Variants in ABLIM2 observed in about 807,000 individuals in gnomAD.
The protein encoded by ABLIM2 is actin-binding LIM protein 2.
ABLIM2 carries 53 observed loss-of-function variants against 97.7 expected under a neutral mutation model. The observed-to-expected ratio is 0.54, with a 90% confidence interval of 0.44 to 0.68. The LOEUF is 0.68. ABLIM2 is among the 30% of genes least tolerant of loss of function. The probability of loss-of-function intolerance (pLI) is 0.00; values close to 1 mark genes in which losing one functional copy is unlikely to be tolerated. For missense variants in ABLIM2, 835 were observed against 867.2 expected (o/e 0.96, Z 0.47); for synonymous variants, 361 against 345.8 (o/e 1.04, Z -0.49).
rs140464768 is a variant in ABLIM2, at chr4:7,992,680, C to T, written c.1680+186G>A. 5.1e-3 allele frequency among the ~76,000 whole-genome samples: 770 copies of T among 152,144 alleles called. 6 individuals are homozygous for T. Among genetic ancestry groups the T allele is most frequent in the African/African-American group, 0.017 (698 of 41,516 alleles). The stretch of plus-strand genomic sequence containing the variant: ...GGGAGGGTGTTGCCCAGGTCTGGTT[C>T]GGTCCTGCTAGGGAAAAAGCAGTGG... On this transcript the variant is annotated intron_variant, in intron 17 of 20. Transcript: ENST00000447017. This position sits in a 1 kb window ranked among gnomAD's most constrained non-coding sequence, Gnocchi z 5.7.
In ABLIM2 at chr4:8,061,718, CCT is replaced by C. The variant is rs896192065; in HGVS notation, c.676-666_676-665del. Among the ~76,000 whole-genome samples, 10 of 152,074 alleles carry C rather than the reference CCT, an allele frequency of 6.6e-5. No homozygotes were observed. The highest frequency in any genetic ancestry group is 6.5e-4 in the Admixed American group (10 of 15,288). The stretch of plus-strand genomic sequence containing the variant: ...CCACGTTCCAGCACACACTTCCTAC[CCT>C]GAGGGCACGGCGGGTGCAGCCTATT... On this transcript the variant is annotated intron_variant, in intron 6 of 20. Transcript: ENST00000447017. This position sits in a 1 kb window ranked among gnomAD's most constrained non-coding sequence, Gnocchi z 4.5.
At chr4:8,036,577 C>G (rs1376729870) in intron 9 of ABLIM2, among the ~76,000 whole-genome samples, 4 of 152,144 alleles carry the variant, frequency 2.6e-5, no homozygotes, top group Admixed American at 6.5e-5. Flanking sequence ...GGGACGGGGT[C>G]AAAAGCACAG....
At chr4:8,064,448 C>T (rs144036158) in intron 6 of ABLIM2, among the ~76,000 whole-genome samples, 186 of 152,294 alleles carry the variant, frequency 1.2e-3, no homozygotes, top group African/African-American at 4.0e-3. Flanking sequence ...CCAGCATGCT[C>T]GGCCCCTCAC....
chr4:8,105,701 G>A (rs2152744560), intron 2 of ABLIM2, among the ~76,000 whole-genome samples: 1 of 152,382 alleles, frequency 6.6e-6, no homozygotes, highest in African/African-American at 2.4e-5. Context: ...GCACACCGCA[G>A]CAGGGATTTG....
At chr4:8,081,452 C>T (rs745795636) in intron 4 of ABLIM2, among the ~76,000 whole-genome samples, 3 of 152,188 alleles carry the variant, frequency 2.0e-5, no homozygotes, top group African/African-American at 2.4e-5. Context: ...CCTGAGCCAG[C>T]GGCCCACAAT....
At chr4:8,048,610 C>T (rs968056808) in intron 8 of ABLIM2, among the ~76,000 whole-genome samples, 7 of 152,188 alleles carry the variant, frequency 4.6e-5, no homozygotes, top group South Asian at 2.1e-4. Context: ...TTGCCGGGAC[C>T]GTCTCGCTCC....
At chr4:8,064,199 T>G (rs995319759) in intron 6 of ABLIM2, among the ~76,000 whole-genome samples, 2 of 152,230 alleles carry the variant, frequency 1.3e-5, no homozygotes, top group Non-Finnish European at 2.9e-5. Flanking sequence ...GAGAAACCCT[T>G]TGTCCTTTGT....
Position 8,004,361 on chromosome 4 carries a change from T to C in ABLIM2, c.1618+3698A>G, listed in dbSNP as rs565175300. Reference sequence around the variant, plus strand: ...CTGCTGCAGCAGTTAATTCAGAGCTTTCCTCACCCCCACTCCCACCTGGCC... The same window carrying C: ...CTGCTGCAGCAGTTAATTCAGAGCTCTCCTCACCCCCACTCCCACCTGGCC... On this transcript the variant is annotated intron_variant, in intron 16 of 20. Coordinates refer to ENST00000447017, the MANE Select transcript of ABLIM2 (RefSeq NM_001130083.2). This position sits in a 1 kb window ranked among gnomAD's most constrained non-coding sequence, Gnocchi z 5.9. Among the ~76,000 whole-genome samples the C allele has an allele frequency of 2.4e-3, 358 of 152,164 alleles. 1 individual carries two copies. Among genetic ancestry groups the C allele is most frequent in the African/African-American group, 8.2e-3 (341 of 41,516 alleles).
rs367957147 is a variant in ABLIM2 at position 8,005,411 on chromosome 4, C to T, written c.1618+2648G>A. 98 of 533,636 alleles carry T rather than the reference C, an allele frequency of 1.8e-4. No individual in the cohort carries two copies. Among genetic ancestry groups the T allele is most frequent in the African/African-American group, 9.4e-4 (49 of 52,048 alleles). The allele number at this position is 533,636 out of a possible 1,614,324, so 33.1% of individuals were successfully genotyped here. On this transcript the variant is annotated intron_variant, in intron 16 of 20. Coordinates refer to ENST00000447017, the MANE Select transcript of ABLIM2 (RefSeq NM_001130083.2). The surrounding 1 kb of genome is among the most constrained non-coding windows in gnomAD (Gnocchi z 4.9). The stretch of plus-strand genomic sequence containing the variant: ...GTCACAATCCTACCTTCCTTGGGCG[C>T]GCTACAGATGGACGTCCCGGGGTGC...
chr4:7,981,342 T>G (rs980558905), intron 20 of ABLIM2, among the ~76,000 whole-genome samples: 1 of 152,144 alleles, frequency 6.6e-6, no homozygotes, highest in Non-Finnish European at 1.5e-5. Context: ...AATCTTTGAA[T>G]CCACCTATGA....
In ABLIM2 at chr4:7,992,343, G is replaced by A. The variant is rs896207652; in HGVS notation, c.1680+523C>T. On this transcript the variant is annotated intron_variant, in intron 17 of 20. Coordinates refer to ENST00000447017, the MANE Select transcript of ABLIM2 (RefSeq NM_001130083.2). The surrounding 1 kb of genome is among the most constrained non-coding windows in gnomAD (Gnocchi z 5.7). Reference sequence around the variant, plus strand: ...GTCTTCAGCTAGGGGCAGCCAAAGAGCCTGACTTCAAGTTAATCCAATCTC... The same window carrying A: ...GTCTTCAGCTAGGGGCAGCCAAAGAACCTGACTTCAAGTTAATCCAATCTC... Among the ~76,000 whole-genome samples, 3 of 152,164 alleles carry A rather than the reference G, an allele frequency of 2.0e-5. No individual in the cohort carries two copies. Among genetic ancestry groups the A allele is most frequent in the Non-Finnish European group, 2.9e-5 (2 of 68,026 alleles).
chr4:8,026,738 C>T (rs1777613244), intron 12 of ABLIM2, among the ~76,000 whole-genome samples: 1 of 152,248 alleles, frequency 6.6e-6, no homozygotes, highest in Non-Finnish European at 1.5e-5. Context: ...CATATTTCCT[C>T]TCACAGTGCT....
chr4:7,969,897 C>T (rs1301298131), intron 20 of ABLIM2, among the ~76,000 whole-genome samples: 1 of 152,098 alleles, frequency 6.6e-6, no homozygotes, highest in East Asian at 1.9e-4. Context: ...ATCAGGGTTT[C>T]TTGGTGCTGA....
rs375119926 is a variant in ABLIM2, at chr4:7,984,886, T to G, written c.1688A>C (p.Asn563Thr). Residue 563 changes from asparagine to threonine, a missense_variant, in exon 18 of 21, where the codon AAT becomes ACT. By Grantham distance (65) the Asn-to-Thr change is moderately conservative (BLOSUM62 0). Transcript: ENST00000447017. ...GKNGLDQRNANLAPCGADPDA... is the reference protein window; with the variant it reads ...GKNGLDQRNATLAPCGADPDA... ...CGGGTCTGCTCCACAGGGGGCCAGATTGGCATTCTGGAAGAGAAAGAGAGG... is the reference window on the plus strand; with the variant it reads ...CGGGTCTGCTCCACAGGGGGCCAGAGTGGCATTCTGGAAGAGAAAGAGAGG... 4 of 1,608,958 alleles carry G rather than the reference T, an allele frequency of 2.5e-6. No individual in the cohort carries two copies. In the African/African-American group the frequency reaches 5.3e-5, roughly 21 times the overall value.
rs935075665 is a variant in ABLIM2, at chr4:8,113,236, A to G, written c.11-6599T>C. Among the ~76,000 whole-genome samples, 1 of 152,072 alleles carries G rather than the reference A, an allele frequency of 6.6e-6. No homozygotes were observed. The highest frequency in any genetic ancestry group is 1.5e-5 in the Non-Finnish European group (1 of 68,008). On this transcript the variant is annotated intron_variant, in intron 1 of 20. Transcript: ENST00000447017. The surrounding 1 kb of genome is among the most constrained non-coding windows in gnomAD (Gnocchi z 4.5). The stretch of plus-strand genomic sequence containing the variant: ...CAGCCTCCCGAGTAGCTGGGACCAC[A>G]AGTGTGTGCCACCACACCCAGCTAA...
intron 2 of ABLIM2, among the ~76,000 whole-genome samples, chr4:8,097,857 T>G (rs900640740): frequency 6.6e-6 from 1 of 151,592 alleles, no homozygotes; most frequent in Non-Finnish European, 1.5e-5. Flanking sequence ...CTCCCCACAG[T>G]GTGAACAAGG....
At chr4:7,976,219 G>A (rs770795591) in intron 20 of ABLIM2, among the ~76,000 whole-genome samples, 5 of 152,126 alleles carry the variant, frequency 3.3e-5, no homozygotes, top group South Asian at 2.1e-4. Context: ...CATCGCACCC[G>A]CACAGCCTGC....
chr4:8,084,795 C>A (rs1822260811), intron 4 of ABLIM2, among the ~76,000 whole-genome samples: 1 of 152,220 alleles, frequency 6.6e-6, no homozygotes, highest in African/African-American at 2.4e-5. Context: ...CTGCTGGCCC[C>A]ACACCCACAT....
intron 1 of ABLIM2, among the ~76,000 whole-genome samples, chr4:8,142,005 T>C (rs1851060014): frequency 6.6e-6 from 1 of 152,238 alleles, no homozygotes; most frequent in Non-Finnish European, 1.5e-5. Flanking sequence ...CTTGGCCATG[T>C]CATCCTGGGG....
Sources: gnomAD v4.1 joint callset for allele counts (sites outside exome capture counted in the v4.1 genomes callset) on GRCh38, gnomAD v4.1.1 for gene constraint, Gnocchi (gnomAD v3.1) non-coding constraint, MANE v1.5 for transcripts, NCBI Gene and HGNC (gene_info 2026-07-23, HGNC 2026-07-21) for gene names.